IMMP2L: variants seen among roughly 807,000 people sequenced by gnomAD.
IMMP2L encodes the protein inner mitochondrial membrane peptidase subunit 2.
A neutral mutation model predicts 19.3 loss-of-function variants in IMMP2L; 18 were observed. The observed-to-expected ratio is 0.93, with a 90% CI of 0.64 to 1.38. IMMP2L has a LOEUF of 1.38. Ranked by LOEUF, IMMP2L falls within the 40% of genes most tolerant of loss-of-function variation. The probability of loss-of-function intolerance (pLI) is 0.00; values close to 1 mark genes in which losing one functional copy is unlikely to be tolerated. For synonymous variants in IMMP2L, 76 were observed against 73.0 expected, an observed-to-expected ratio of 1.04 and a Z score of -0.21; for missense variants, 233 against 218.2, an observed-to-expected ratio of 1.07 and a Z score of -0.43.
chr7:110,740,149 CA>C (rs749768665), intron 5 of IMMP2L, among the ~76,000 whole-genome samples: 1 of 151,974 alleles, frequency 6.6e-6, no homozygotes, highest in Non-Finnish European at 1.5e-5. Context: ...TCACACCTCA[CA>C]AAACTGTAGA....
intron 5 of IMMP2L, among the ~76,000 whole-genome samples, chr7:110,873,100 T>C (rs1280229722): frequency 6.6e-6 from 1 of 152,148 alleles, no homozygotes; most frequent in Non-Finnish European, 1.5e-5. Context: ...TATTTTCTTT[T>C]TATGGTGATG....
chr7:110,817,657 C>G (rs1802652188), intron 5 of IMMP2L, among the ~76,000 whole-genome samples: 1 of 152,118 alleles, frequency 6.6e-6, no homozygotes, highest in Non-Finnish European at 1.5e-5. Flanking sequence ...ATAGCCAAGT[C>G]AATCCTAACC....
In IMMP2L at chr7:110,902,090, T is replaced by C. The variant is rs982769644; in HGVS notation, c.306-15395A>G. 4.6e-5 allele frequency among the ~76,000 whole-genome samples: 7 copies of C among 152,240 alleles called. No homozygotes were observed. In the East Asian group the frequency reaches 9.6e-4, roughly 21 times the overall value. ...AGAATTCTATCAAGTCAACTCAGTC[T>C]ACATTTATAAAAAAAGATATCTAAA... On this transcript the variant is annotated intron_variant, in intron 4 of 5. Transcript: ENST00000405709.
At chr7:111,070,068 A>C (rs1437339947) in intron 3 of IMMP2L, among the ~76,000 whole-genome samples, 2 of 152,204 alleles carry the variant, frequency 1.3e-5, no homozygotes, top group Non-Finnish European at 2.9e-5. Context: ...TGGAAGGAAA[A>C]CAGTTTTTAG....
intron 5 of IMMP2L, among the ~76,000 whole-genome samples, chr7:110,778,812 T>C (rs757784006): frequency 6.6e-6 from 1 of 151,976 alleles, no homozygotes; most frequent in Non-Finnish European, 1.5e-5. Flanking sequence ...ATAAGTGGTG[T>C]GTTGGAAAAT....
At chr7:111,472,934 A>G (rs375625794) in intron 3 of IMMP2L, among the ~76,000 whole-genome samples, 1 of 152,088 alleles carries the variant, frequency 6.6e-6, no homozygotes, top group African/African-American at 2.4e-5. Flanking sequence ...AGTCTCTACT[A>G]AAAGAAAAAA....
chr7:111,454,291 G>A (rs1183755078), intron 3 of IMMP2L, among the ~76,000 whole-genome samples: 1 of 152,078 alleles, frequency 6.6e-6, no homozygotes, highest in Non-Finnish European at 1.5e-5. Flanking sequence ...GCCACCACAC[G>A]TGGCTCATCA....
intron 5 of IMMP2L, chr7:110,664,749 C>A (rs965826067): frequency 6.6e-6 from 1 of 152,152 alleles, no homozygotes; most frequent in Non-Finnish European, 1.5e-5. Context: ...TAGAAGCTTA[C>A]AAAATACACT....
chr7:110,668,157 T>C (rs1442678145), intron 5 of IMMP2L, among the ~76,000 whole-genome samples: 1 of 152,190 alleles, frequency 6.6e-6, no homozygotes, highest in South Asian at 2.1e-4. Context: ...TTCTGCTGAT[T>C]ACTCAGTTGG....
At chr7:110,749,168 G>A (rs1464263606) in intron 5 of IMMP2L, among the ~76,000 whole-genome samples, 2 of 152,190 alleles carry the variant, frequency 1.3e-5, no homozygotes, top group Non-Finnish European at 1.5e-5. Context: ...CTGGTCATTA[G>A]AGAAATGCAA....
At chr7:111,004,379 G>A (rs569114298) in intron 3 of IMMP2L, among the ~76,000 whole-genome samples, 11 of 151,954 alleles carry the variant, frequency 7.2e-5, no homozygotes, top group Non-Finnish European at 1.3e-4. Context: ...TTCCCAGGCT[G>A]GTCTGAAACT....
At chr7:110,835,968 A>G (rs970167599) in intron 5 of IMMP2L, among the ~76,000 whole-genome samples, 11 of 152,106 alleles carry the variant, frequency 7.2e-5, no homozygotes, top group Non-Finnish European at 1.0e-4. Flanking sequence ...ACCCAGGGCA[A>G]CACCCAATTG....
intron 5 of IMMP2L, among the ~76,000 whole-genome samples, chr7:110,850,477 T>C (rs1409377332): frequency 1.8e-4 from 28 of 152,066 alleles, no homozygotes; most frequent in Non-Finnish European, 5.9e-5. Context: ...TTTACATATG[T>C]AAATATAAGT....
chr7:111,263,299 T>G (rs1432824044), intron 3 of IMMP2L, among the ~76,000 whole-genome samples: 3 of 152,158 alleles, frequency 2.0e-5, no homozygotes, highest in African/African-American at 7.2e-5. Flanking sequence ...ACCTGTATTC[T>G]GCATATATTC....
chr7:111,465,112 A>C (rs1840503233), intron 3 of IMMP2L, among the ~76,000 whole-genome samples: 1 of 152,266 alleles, frequency 6.6e-6, no homozygotes, highest in South Asian at 2.1e-4. Flanking sequence ...CCAACTCTTT[A>C]AATTTTCCTA....
At chr7:110,739,853 A>T (rs1211104256) in intron 5 of IMMP2L, among the ~76,000 whole-genome samples, 1 of 152,178 alleles carries the variant, frequency 6.6e-6, no homozygotes, top group Non-Finnish European at 1.5e-5. Context: ...TCAAAATTAT[A>T]TCAAGTACTC....
At chr7:111,426,810 G>T (rs1836120857) in intron 3 of IMMP2L, among the ~76,000 whole-genome samples, 1 of 151,042 alleles carries the variant, frequency 6.6e-6, no homozygotes, top group Non-Finnish European at 1.5e-5. Context: ...TTAACGTGAA[G>T]GTTATATGAG....
In IMMP2L at chr7:111,517,709, G is replaced by A. The variant is rs116149483; in HGVS notation, c.135+3604C>T. On this transcript the variant is annotated intron_variant, in intron 2 of 5. Transcript: ENST00000405709. ...CATTCCACCTACATAAATTCCCTCTGTAGTTTCAACTGTATGCAATATCAG... is the reference window on the plus strand; with the variant it reads ...CATTCCACCTACATAAATTCCCTCTATAGTTTCAACTGTATGCAATATCAG... 8.7e-3 allele frequency among the ~76,000 whole-genome samples: 1,324 copies of A among 152,098 alleles called. 24 individuals carry two copies. Among genetic ancestry groups the A allele is most frequent in the African/African-American group, 0.031 (1,269 of 41,514 alleles).
At chr7:111,452,717 A>G (rs1364086212) in intron 3 of IMMP2L, among the ~76,000 whole-genome samples, 1 of 152,150 alleles carries the variant, frequency 6.6e-6, no homozygotes, top group East Asian at 1.9e-4. Flanking sequence ...TAGAGGAAAT[A>G]AAACTAAGGA....
Sources: gnomAD v4.1 joint callset for allele counts (sites outside exome capture counted in the v4.1 genomes callset) on GRCh38, gnomAD v4.1.1 for gene constraint, MANE v1.5 for transcripts, NCBI Gene and HGNC (gene_info 2026-07-23, HGNC 2026-07-21) for gene names.